AUTS2: variants seen among roughly 807,000 people sequenced by gnomAD.
AUTS2 encodes the protein autism susceptibility gene 2 protein.
In AUTS2, 17 loss-of-function variants were observed where a neutral mutation model predicts 112.4. That is an observed-to-expected ratio of 0.15 (90% CI 0.10 to 0.23). The LOEUF (loss-of-function observed/expected upper bound fraction) is 0.23, where lower values mean the gene tolerates loss of function less well. AUTS2 is among the 10% of genes least tolerant of loss of function. AUTS2 has a pLI of 1.00. For missense variants in AUTS2, 1,510 were observed against 1,701.6 expected (o/e 0.89, Z 1.98); for synonymous variants, 751 against 702.7 (o/e 1.07, Z -1.09).
chr7:70,091,702 C>T (rs1803930526), intron 2 of AUTS2, among the ~76,000 whole-genome samples: 1 of 152,268 alleles, frequency 6.6e-6, no homozygotes, highest in South Asian at 2.1e-4. Context: ...ATAAGTGCTT[C>T]ATAAGCCTGA....
intron 4 of AUTS2, among the ~76,000 whole-genome samples, chr7:70,297,057 C>G (rs931276261): frequency 1.3e-4 from 19 of 149,962 alleles, no homozygotes; most frequent in African/African-American, 4.7e-4. Flanking sequence ...ACTATGTTGC[C>G]CAGGCTGGTT....
intron 4 of AUTS2, among the ~76,000 whole-genome samples, chr7:70,187,177 C>T (rs558721940): frequency 1.3e-5 from 2 of 152,326 alleles, no homozygotes; most frequent in East Asian, 3.9e-4. Flanking sequence ...GAGAATGTAA[C>T]TGGCAACAGT....
intron 6 of AUTS2, among the ~76,000 whole-genome samples, chr7:70,748,429 A>G (rs1245953115): frequency 1.3e-5 from 2 of 152,188 alleles, no homozygotes; most frequent in Non-Finnish European, 2.9e-5. Flanking sequence ...CCCCCTTTGT[A>G]AAAACCTCTT....
intron 5 of AUTS2, among the ~76,000 whole-genome samples, chr7:70,617,642 G>T (rs760300252): frequency 1.4e-5 from 2 of 147,134 alleles, no homozygotes. Context: ...CAACCTGGGC[G>T]ACAGAGCGAG....
At chr7:70,437,055 G>A (rs779556020) in intron 5 of AUTS2, 11 of 152,402 alleles carry the variant, frequency 7.2e-5, no homozygotes, top group Non-Finnish European at 1.0e-4. Context: ...TCTGAAGGAC[G>A]GCCAGGACTG....
At chr7:70,682,231 C>T (rs1808246781) in intron 5 of AUTS2, among the ~76,000 whole-genome samples, 1 of 152,212 alleles carries the variant, frequency 6.6e-6, no homozygotes, top group African/African-American at 2.4e-5. Flanking sequence ...AGATTTTATG[C>T]TAATTCAGTT....
chr7:69,599,531 C>G lies in AUTS2; in HGVS notation c.-123C>G. 2 of 920,574 alleles carry G rather than the reference C, an allele frequency of 2.2e-6. No homozygotes were observed. The highest frequency in any genetic ancestry group is 2.8e-6 in the Non-Finnish European group (2 of 709,326). The allele number at this position is 920,574 out of a possible 1,614,324, so 57.0% of individuals were successfully genotyped here. A position where few individuals can be genotyped will look rare whatever the true frequency, so the allele number is the denominator to read the frequency against. Reference sequence around the variant, plus strand: ...CTTCTTTCGGCCGCCGTCTCCCCCGCGCCCTCCTCGGGGCGGAGGGAAGCC... The same window carrying G: ...CTTCTTTCGGCCGCCGTCTCCCCCGGGCCCTCCTCGGGGCGGAGGGAAGCC... On this transcript the variant is annotated 5_prime_UTR_variant, in exon 1 of 19. Coordinates refer to ENST00000342771, the MANE Select transcript of AUTS2 (RefSeq NM_015570.4). The surrounding 1 kb of genome is among the most constrained non-coding windows in gnomAD (Gnocchi z 7.0).
intron 15 of AUTS2, chr7:70,782,904 A>G (rs769566936): frequency 7.9e-5 from 12 of 152,328 alleles, no homozygotes; most frequent in African/African-American, 2.9e-4. Context: ...CCTGGAGGGT[A>G]GATGGAATTT....
intron 1 of AUTS2, among the ~76,000 whole-genome samples, chr7:69,780,074 T>C (rs1181784879): frequency 6.6e-6 from 1 of 152,154 alleles, no homozygotes; most frequent in Non-Finnish European, 1.5e-5. Context: ...ACCAGTGTTC[T>C]TGAACTCCTG....
intron 5 of AUTS2, among the ~76,000 whole-genome samples, chr7:70,625,749 G>A (rs2057912): frequency 0.87 from 131,939 of 152,206 alleles, 57,453 homozygotes; most frequent in African/African-American, 0.94. Context: ...GATAGACCAC[G>A]TACATTCGTG....
intron 5 of AUTS2, among the ~76,000 whole-genome samples, chr7:70,555,806 C>CT (rs35481779): frequency 0.3 from 42,850 of 141,962 alleles, 6,681 homozygotes; most frequent in Admixed American, 0.43. Context: ...CCTCAGGAAG[C>CT]TTTTTTTTTT....
chr7:70,227,995 T>C (rs1255920708), intron 4 of AUTS2, among the ~76,000 whole-genome samples: 3 of 151,996 alleles, frequency 2.0e-5, no homozygotes, highest in African/African-American at 7.2e-5. Flanking sequence ...AGGTGTCCTG[T>C]TTATTATTTA....
intron 4 of AUTS2, among the ~76,000 whole-genome samples, chr7:70,424,776 G>C (rs987193610): frequency 6.6e-6 from 1 of 152,092 alleles, no homozygotes. Context: ...TGCAGGGACA[G>C]GGGTCTCGCT....
intron 2 of AUTS2, among the ~76,000 whole-genome samples, chr7:70,102,688 A>G (rs1804563340): frequency 6.6e-6 from 1 of 152,178 alleles, no homozygotes; most frequent in African/African-American, 2.4e-5. Context: ...GTCAGACAGC[A>G]ATTTCATGGC....
At chr7:70,600,315 G>A (rs954279378) in intron 5 of AUTS2, among the ~76,000 whole-genome samples, 1 of 152,098 alleles carries the variant, frequency 6.6e-6, no homozygotes, top group African/African-American at 2.4e-5. Flanking sequence ...TTGCTCTGTT[G>A]CCCAGGCTGG....
At chr7:70,313,975 A>G (rs1789878910) in intron 4 of AUTS2, among the ~76,000 whole-genome samples, 2 of 152,338 alleles carry the variant, frequency 1.3e-5, no homozygotes, top group Middle Eastern at 3.4e-3. Flanking sequence ...CTTACATAGT[A>G]GGAGCGATGG....
In AUTS2 at chr7:70,379,902, C is replaced by T. The variant is rs557850147; in HGVS notation, c.661-55850C>T. ...GTTGGCTTATTTGCTGTACCAGAGG[C>T]AAATAACTGTGCTGTGTTGGAATGA... On this transcript the variant is annotated intron_variant, in intron 4 of 18. Coordinates refer to ENST00000342771, the MANE Select transcript of AUTS2 (RefSeq NM_015570.4). Among the ~76,000 whole-genome samples the T allele has an allele frequency of 4.6e-5, 7 of 152,242 alleles. No individual in the cohort carries two copies. In the South Asian group the frequency reaches 1.5e-3, roughly 32 times the overall value.
intron 4 of AUTS2, among the ~76,000 whole-genome samples, chr7:70,188,078 C>T (rs1340847660): frequency 6.6e-6 from 1 of 152,192 alleles, no homozygotes; most frequent in Non-Finnish European, 1.5e-5. Context: ...CTTTTACTTC[C>T]TTGTCCCATC....
intron 2 of AUTS2, among the ~76,000 whole-genome samples, chr7:69,919,782 G>T (rs529085143): frequency 1.6e-4 from 25 of 151,934 alleles, no homozygotes; most frequent in Non-Finnish European, 2.9e-4. Context: ...AAAAAAAGTA[G>T]ATTAAAAAAA....
Sources: allele counts gnomAD v4.1 joint callset (sites outside exome capture counted in the v4.1 genomes callset), GRCh38; gene constraint gnomAD v4.1.1; non-coding constraint Gnocchi (gnomAD v3.1); transcripts MANE v1.5; gene names NCBI Gene and HGNC (gene_info 2026-07-23, HGNC 2026-07-21).